Variants in COL23A1 observed in about 807,000 individuals in gnomAD.
COL23A1 encodes collagen alpha-1(XXIII) chain.
Under a neutral mutation model 99.3 loss-of-function variants are expected in COL23A1, and 97 were observed. That is an observed-to-expected ratio of 0.98 (90% CI 0.83 to 1.16). COL23A1 has a LOEUF of 1.16. COL23A1 is among the 50% of genes most tolerant of loss of function. The pLI, the probability that COL23A1 is intolerant of heterozygous loss-of-function variation, is 0.00. For synonymous variants in COL23A1, 320 were observed against 308.2 expected, an observed-to-expected ratio of 1.04 and a Z score of -0.40; for missense variants, 762 against 757.4, an observed-to-expected ratio of 1.01 and a Z score of -0.07.
chr5:178,381,199 G>A (rs144255334), intron 2 of COL23A1, among the ~76,000 whole-genome samples: 78 of 152,326 alleles, frequency 5.1e-4, no homozygotes, highest in Middle Eastern at 6.8e-3. Context: ...AATAATTAGG[G>A]GGTGGCTTAC....
chr5:178,544,674 C>G lies in COL23A1; in HGVS notation c.361+16008G>C, dbSNP rs1490665879. Among the ~76,000 whole-genome samples the G allele has an allele frequency of 6.6e-6, 1 of 152,160 alleles. No individual in the cohort carries two copies. Among genetic ancestry groups the G allele is most frequent in the Non-Finnish European group, 1.5e-5 (1 of 68,030 alleles). On this transcript the variant is annotated intron_variant, in intron 2 of 28. Coordinates refer to ENST00000390654, the MANE Select transcript of COL23A1 (RefSeq NM_173465.4). The surrounding 1 kb of genome is among the most constrained non-coding windows in gnomAD (Gnocchi z 4.4). ...GGTGCCACAAATGGGAGGTGACGAT[C>G]AGGGGCGGTCACCTTCCAGTCCTGT...
chr5:178,413,388 C>T (rs72822884), intron 2 of COL23A1, among the ~76,000 whole-genome samples: 8,183 of 152,226 alleles, frequency 0.054, 319 homozygotes, highest in Middle Eastern at 0.11. Context: ...ATCCAGGTGG[C>T]GTTTTCCAAT....
chr5:178,584,474 T>C (rs1763824820), intron 1 of COL23A1, among the ~76,000 whole-genome samples: 1 of 152,140 alleles, frequency 6.6e-6, no homozygotes, highest in Non-Finnish European at 1.5e-5. Flanking sequence ...AGCACTGAGA[T>C]TATAGGTGTG....
At chr5:178,567,770 ATGT>A (rs1762906226) in intron 1 of COL23A1, among the ~76,000 whole-genome samples, 1 of 152,172 alleles carries the variant, frequency 6.6e-6, no homozygotes, top group Admixed American at 6.5e-5. Flanking sequence ...AAAATAAATA[ATGT>A]TGTGTGGTCT....
chr5:178,357,283 G>T (rs1761709248), intron 2 of COL23A1, among the ~76,000 whole-genome samples: 1 of 152,172 alleles, frequency 6.6e-6, no homozygotes, highest in Admixed American at 6.5e-5. Context: ...CCTTCTCACA[G>T]GCTTCTGGTC....
chr5:178,526,862 G>A (rs536869740), intron 2 of COL23A1, among the ~76,000 whole-genome samples: 127 of 152,178 alleles, frequency 8.3e-4, no homozygotes, highest in Non-Finnish European at 1.2e-3. Flanking sequence ...TCCATCGCAC[G>A]CTCCTGCACT....
intron 2 of COL23A1, among the ~76,000 whole-genome samples, chr5:178,352,914 A>AG (rs1761409651): frequency 6.6e-6 from 1 of 152,232 alleles, no homozygotes; most frequent in East Asian, 1.9e-4. Context: ...ACTTGAGAAA[A>AG]GAAGAGTTGG....
chr5:178,529,003 G>A (rs1760485750), intron 2 of COL23A1, among the ~76,000 whole-genome samples: 1 of 152,246 alleles, frequency 6.6e-6, no homozygotes, highest in Non-Finnish European at 1.5e-5. Flanking sequence ...AAGCATCAAT[G>A]TATTGTTTCT....
rs560443177 is a variant in COL23A1, at chr5:178,324,745, T to A, written c.362-17826A>T. On this transcript the variant is annotated intron_variant, in intron 2 of 28. Transcript: ENST00000390654. ...GCTGGGACAGAAGTGCCTCACCAGTTCTAACGGAAATGGGTCGAATGGCCA... is the reference window on the plus strand; with the variant it reads ...GCTGGGACAGAAGTGCCTCACCAGTACTAACGGAAATGGGTCGAATGGCCA... Among the ~76,000 whole-genome samples the A allele has an allele frequency of 2.6e-5, 4 of 152,296 alleles. No individual in the cohort carries two copies. The East Asian group carries it at 7.7e-4, about 29-fold the overall frequency.
At chr5:178,333,725 C>G (rs1760168778) in intron 2 of COL23A1, among the ~76,000 whole-genome samples, 1 of 152,196 alleles carries the variant, frequency 6.6e-6, no homozygotes, top group Non-Finnish European at 1.5e-5. Flanking sequence ...ATCTGCAGAA[C>G]AAGCCTGGCC....
At chr5:178,579,852 T>C (rs371871611) in intron 1 of COL23A1, among the ~76,000 whole-genome samples, 1 of 152,202 alleles carries the variant, frequency 6.6e-6, no homozygotes, top group African/African-American at 2.4e-5. Flanking sequence ...AGCCAAATCA[T>C]TGTTTCCACC....
In COL23A1 at chr5:178,513,899, G is replaced by A. The variant is rs533051876; in HGVS notation, c.361+46783C>T. On this transcript the variant is annotated intron_variant, in intron 2 of 28. Transcript: ENST00000390654. ...TTTTTTTAATTGCAGTAACATATAT[G>A]TAAGATTAAAATTTTGCCATCTTAC... Among the ~76,000 whole-genome samples, 61 of 152,020 alleles carry A rather than the reference G, an allele frequency of 4.0e-4. 1 individual carries two copies. Among genetic ancestry groups the A allele is most frequent in the African/African-American group, 1.4e-3 (59 of 41,452 alleles).
At chr5:178,543,858 C>T (rs1401327877) in intron 2 of COL23A1, among the ~76,000 whole-genome samples, 1 of 152,174 alleles carries the variant, frequency 6.6e-6, no homozygotes, top group Admixed American at 6.5e-5. Flanking sequence ...CAATGTATTG[C>T]TCACAGTTCT....
intron 2 of COL23A1, among the ~76,000 whole-genome samples, chr5:178,408,630 T>TA (rs910197179): frequency 1.3e-5 from 2 of 151,882 alleles, no homozygotes; most frequent in African/African-American, 2.4e-5. Context: ...GGGAGTTTCT[T>TA]AAAAAAACCC....
At chr5:178,331,304 A>C (rs923864911) in intron 2 of COL23A1, among the ~76,000 whole-genome samples, 2 of 152,218 alleles carry the variant, frequency 1.3e-5, no homozygotes, top group African/African-American at 4.8e-5. Context: ...TACAAATCAG[A>C]GGAAAGTGAG....
At chr5:178,539,335 T>A (rs1369117178) in intron 2 of COL23A1, among the ~76,000 whole-genome samples, 1 of 151,810 alleles carries the variant, frequency 6.6e-6, no homozygotes, top group African/African-American at 2.4e-5. Flanking sequence ...TCACCTGAGG[T>A]CAGGAGTTCG....
chr5:178,513,727 T>A (rs1222834596), intron 2 of COL23A1, among the ~76,000 whole-genome samples: 1 of 152,104 alleles, frequency 6.6e-6, no homozygotes, highest in Admixed American at 6.5e-5. Flanking sequence ...TGTGCTGCAG[T>A]AATTGAGGGT....
Position 178,393,887 on chromosome 5 carries a change from A to G in COL23A1, c.362-86968T>C, listed in dbSNP as rs143751987. ...AGTAATCCACCTGCTTTGGCCTCCCAAAGTGCTGGGATTATAGGTGTGAGC... is the reference window on the plus strand; with the variant it reads ...AGTAATCCACCTGCTTTGGCCTCCCGAAGTGCTGGGATTATAGGTGTGAGC... On this transcript the variant is annotated intron_variant, in intron 2 of 28. Transcript: ENST00000390654. Among the ~76,000 whole-genome samples the G allele has an allele frequency of 6.2e-3, 945 of 152,230 alleles. 11 individuals are homozygous for G. The highest frequency in any genetic ancestry group is 0.022 in the African/African-American group (902 of 41,538).
chr5:178,247,988 G>A (rs751247697), intron 20 of COL23A1, among the ~76,000 whole-genome samples, 157 bp from the exon 21 acceptor site: 7 of 152,218 alleles, frequency 4.6e-5, no homozygotes, highest in Non-Finnish European at 1.0e-4. Context: ...GGAGCTTATA[G>A]TGAGCCGAGG....
Sources: gnomAD v4.1 joint callset for allele counts (sites outside exome capture counted in the v4.1 genomes callset) on GRCh38, gnomAD v4.1.1 for gene constraint, Gnocchi (gnomAD v3.1) non-coding constraint, MANE v1.5 for transcripts, NCBI Gene and HGNC (gene_info 2026-07-23, HGNC 2026-07-21) for gene names.